The following GSE1 variants were observed in gnomAD, a reference collection of about 807,000 sequenced individuals.
GSE1 encodes the protein genetic suppressor element 1.
A neutral mutation model predicts 112.6 loss-of-function variants in GSE1; 32 were observed. The ratio of observed to expected loss-of-function variants is 0.28; its 90% CI spans 0.21 to 0.38. The LOEUF (loss-of-function observed/expected upper bound fraction) is 0.38, where lower values mean the gene tolerates loss of function less well. Among genes scored for constraint, GSE1 ranks in the 10% least tolerant of loss-of-function variants. GSE1 has a pLI of 1.00. For synonymous variants in GSE1, 1,115 were observed against 735.6 expected (o/e 1.52, Z -8.35); for missense variants, 2,348 against 1,699.2 (o/e 1.38, Z -6.71).
At chr16:85,590,549 G>A (rs1360437894) in intron 1 of GSE1, among the ~76,000 whole-genome samples, 5 of 151,686 alleles carry the variant, frequency 3.3e-5, no homozygotes, top group African/African-American at 9.7e-5. Flanking sequence ...GTGACATTGC[G>A]TGTGTGACTG....
At chr16:85,267,031 C>T (rs1375198057) in intron 1 of GSE1, among the ~76,000 whole-genome samples, 1 of 152,232 alleles carries the variant, frequency 6.6e-6, no homozygotes, top group Non-Finnish European at 1.5e-5. Flanking sequence ...CTCCTTCCTG[C>T]CCGGGAGGCT....
At chr16:85,586,924 C>T (rs987368397) in intron 1 of GSE1, among the ~76,000 whole-genome samples, 6 of 152,232 alleles carry the variant, frequency 3.9e-5, no homozygotes, top group African/African-American at 1.4e-4. Context: ...GAGTAAGTGC[C>T]CGCAGCTGCC....
chr16:85,511,615 G>T (rs2051749676), intron 2 of GSE1, among the ~76,000 whole-genome samples: 1 of 152,190 alleles, frequency 6.6e-6, no homozygotes, highest in African/African-American at 2.4e-5. Context: ...TTGGAAAAGG[G>T]GTTTTGCAGA....
chr16:85,612,748 C>A (rs187660649), upstream of GSE1, among the ~76,000 whole-genome samples: 1,002 of 152,260 alleles, frequency 6.6e-3, 11 homozygotes, highest in African/African-American at 0.023. Flanking sequence ...CGCCTCCCCC[C>A]ACCCCACGCG....
chr16:85,499,776 T>C (rs1367667595), intron 2 of GSE1, among the ~76,000 whole-genome samples: 1 of 152,250 alleles, frequency 6.6e-6, no homozygotes, highest in Non-Finnish European at 1.5e-5. Flanking sequence ...AGTACCATTT[T>C]ATACCTGCTA....
chr16:85,666,671 A>C, intron 13 of GSE1: 5 of 305,952 alleles, frequency 1.6e-5, no homozygotes, highest in Non-Finnish European at 1.8e-5. Context: ...AGATTCCCCA[A>C]AGGCAGGAAG....
intron 1 of GSE1, among the ~76,000 whole-genome samples, chr16:85,627,226 CTG>C (rs1057021306): frequency 7.3e-5 from 11 of 151,104 alleles, no homozygotes; most frequent in African/African-American, 2.7e-4. Flanking sequence ...CCTTTCCTGT[CTG>C]TGAAATGGTG....
rs75240957 is a variant in GSE1, at chr16:85,497,212, T to C, written c.2465-136702T>C. Among the ~76,000 whole-genome samples, 445 of 152,330 alleles carry C rather than the reference T, an allele frequency of 2.9e-3. 1 individual carries two copies. The highest frequency in any genetic ancestry group is 0.01 in the African/African-American group (428 of 41,586). ...CCATGCCTGGCCCTGATCTGGGCCT[T>C]TCTGGTCCCACTGAAGCTGCTGGGT... is the stretch of plus-strand genomic sequence containing the variant. On this transcript the variant is annotated intron_variant, in intron 2 of 2. Coordinates refer to the GSE1 transcript ENST00000637419.
intron 2 of GSE1, among the ~76,000 whole-genome samples, chr16:85,360,973 C>A (rs370286766): frequency 5.9e-5 from 9 of 152,020 alleles, no homozygotes; most frequent in African/African-American, 2.2e-4. Flanking sequence ...ACAAACATAC[C>A]ACACACAGCC....
intron 2 of GSE1, among the ~76,000 whole-genome samples, chr16:85,368,802 T>C (rs1281572301): frequency 6.6e-6 from 1 of 152,152 alleles, no homozygotes; most frequent in African/African-American, 2.4e-5. Context: ...TCTAGGGGGC[T>C]TCCCAGACTG....
chr16:85,312,209 G>A lies in GSE1; in HGVS notation c.2284-45254G>A, dbSNP rs1051823567. Among the ~76,000 whole-genome samples, 4 of 150,464 alleles carry A rather than the reference G, an allele frequency of 2.7e-5. 1 individual carries two copies. The highest frequency in any genetic ancestry group is 6.8e-3 in the Middle Eastern group (2 of 294). On this transcript the variant is annotated intron_variant, in intron 1 of 2. Transcript: ENST00000637419. The stretch of plus-strand genomic sequence containing the variant: ...TGGTCTCTCTGATCCTCTTGCGGGG[G>A]GGGGGGGGACACACTTACCCCCAAA...
At position 85,662,962 on chromosome 16, in the gene GSE1, A is replaced by C; in HGVS notation, c.2261-19A>C. The C allele has an allele frequency of 6.7e-7, 1 of 1,500,462 alleles. No homozygotes were observed. The highest frequency in any genetic ancestry group is 9.3e-7 in the Non-Finnish European group (1 of 1,078,424). The allele number at this position is 1,500,462 out of a possible 1,614,324, so 92.9% of individuals were successfully genotyped here. On this transcript the variant is annotated intron_variant, in intron 9 of 15. Coordinates refer to ENST00000253458, the MANE Select transcript of GSE1 (RefSeq NM_014615.5). ...ATGAAGGCTCTTTGTCTGGCTGAAT[A>C]CAACCATTTCTCCATCAGGGTACTA...
chr16:85,210,273 T>C (rs190679891), intron 1 of GSE1, among the ~76,000 whole-genome samples: 52 of 152,368 alleles, frequency 3.4e-4, no homozygotes, highest in East Asian at 3.1e-3. Flanking sequence ...ACAGAGTTGT[T>C]CTTTGCACTG....
intron 2 of GSE1, among the ~76,000 whole-genome samples, chr16:85,371,731 T>G (rs2151599251): frequency 6.6e-6 from 1 of 152,272 alleles, no homozygotes. Context: ...CCTCCCATCC[T>G]CCCAGCTCAC....
At chr16:85,403,870 G>T (rs1016025175) in intron 2 of GSE1, among the ~76,000 whole-genome samples, 3 of 152,148 alleles carry the variant, frequency 2.0e-5, no homozygotes, top group Non-Finnish European at 4.4e-5. Flanking sequence ...CCAGCATCAA[G>T]GTGTGGGCAG....
chr16:85,498,936 G>A (rs903448416), intron 2 of GSE1, among the ~76,000 whole-genome samples: 3 of 152,372 alleles, frequency 2.0e-5, no homozygotes, highest in East Asian at 1.9e-4. Context: ...TGCACAGACC[G>A]GGGAGAGAAG....
At chr16:85,256,416 A>G (rs1907085372) in intron 1 of GSE1, among the ~76,000 whole-genome samples, 1 of 152,376 alleles carries the variant, frequency 6.6e-6, no homozygotes, top group South Asian at 2.1e-4. Context: ...GCACTGGCTC[A>G]TTCAGCCTTA....
At chr16:85,398,922 G>C (rs995255267) in intron 2 of GSE1, among the ~76,000 whole-genome samples, 2 of 152,162 alleles carry the variant, frequency 1.3e-5, no homozygotes, top group African/African-American at 4.8e-5. Flanking sequence ...AATGCATGTC[G>C]AGTGTGTATC....
At chr16:85,348,713 T>C (rs12920516) in intron 1 of GSE1, among the ~76,000 whole-genome samples, 35,732 of 152,164 alleles carry the variant, frequency 0.23, 4,647 homozygotes, top group Middle Eastern at 0.34. Context: ...TGCCTGGCTC[T>C]GGATCGTGCT....
Sources: gnomAD v4.1 joint callset for allele counts (sites outside exome capture counted in the v4.1 genomes callset) on GRCh38, gnomAD v4.1.1 for gene constraint, MANE v1.5 for transcripts, NCBI Gene and HGNC (gene_info 2026-07-23, HGNC 2026-07-21) for gene names.